CCDC39: variants seen among roughly 807,000 people sequenced by gnomAD.
CCDC39 encodes the protein coiled-coil domain-containing protein 39.
In CCDC39, 113 loss-of-function variants were observed where a neutral mutation model predicts 121.0. The observed-to-expected ratio is 0.93, with a 90% CI of 0.80 to 1.09. The LOEUF (loss-of-function observed/expected upper bound fraction) is 1.09. CCDC39 is among the 50% of genes least tolerant of loss of function. CCDC39 has a pLI of 0.00. For synonymous variants in CCDC39, 349 were observed against 352.2 expected (o/e 0.99, Z 0.10); for missense variants, 1,063 against 1,074.7 (o/e 0.99, Z 0.15).
rs1477817614 is a variant in CCDC39 at position 180,679,284 on chromosome 3, A to T, written c.90+7T>A. The stretch of plus-strand genomic sequence containing the variant: ...TGCTTCCTCCCGCCTGCTTCAATTG[A>T]TCTCACCTGATCTTCCAGTAGCTTG... On this transcript the variant is annotated splice_region_variant and intron_variant, in intron 1 of 19. Transcript: ENST00000476379. This position sits in a 1 kb window ranked among gnomAD's most constrained non-coding sequence, Gnocchi z 4.0. 1 of 1,612,228 alleles carries T rather than the reference A, an allele frequency of 6.2e-7. No individual in the cohort carries two copies. Among genetic ancestry groups the T allele is most frequent in the East Asian group, 2.2e-5 (1 of 44,876 alleles).
At chr3:180,659,942 G>C (rs906098073) in intron 4 of CCDC39, among the ~76,000 whole-genome samples, 173 bp from the exon 5 acceptor site, 5 of 151,882 alleles carry the variant, frequency 3.3e-5, no homozygotes, top group Non-Finnish European at 7.4e-5. Flanking sequence ...CTAATCTAAT[G>C]TGTTTGCATA....
chr3:180,621,198 G>C (rs774799738), intron 14 of CCDC39, among the ~76,000 whole-genome samples: 1 of 152,054 alleles, frequency 6.6e-6, no homozygotes, highest in Non-Finnish European at 1.5e-5. Flanking sequence ...CCACATCTTT[G>C]CTATTGTAAA....
chr3:180,642,851 GA>G (rs942571090), intron 12 of CCDC39, among the ~76,000 whole-genome samples: 2 of 146,026 alleles, frequency 1.4e-5, no homozygotes, highest in South Asian at 2.2e-4. Flanking sequence ...AAATTAAAAA[GA>G]AAAAAAAACT....
chr3:180,624,418 A>G (rs939355191), intron 14 of CCDC39, among the ~76,000 whole-genome samples: 15 of 152,092 alleles, frequency 9.9e-5, no homozygotes, highest in African/African-American at 3.6e-4. Context: ...TCAAACTTAT[A>G]TTGATATGTA....
rs989194150 is a variant in CCDC39, at chr3:180,619,940, C to G, written c.2029G>C (p.Glu677Gln). 9.3e-6 allele frequency: 15 copies of G among 1,608,374 alleles called. No homozygotes were observed. Among genetic ancestry groups the G allele is most frequent in the African/African-American group, 1.3e-5 (1 of 74,638 alleles). Residue 677 changes from glutamate to glutamine, a missense_variant, in exon 15 of 20, where the codon GAA becomes CAA. Coordinates refer to ENST00000476379, the MANE Select transcript of CCDC39 (RefSeq NM_181426.2). ...ATCTTGGCATCCAAACAGTCACCTT[C>G]CCTTTGAAGTTCTTCTTTTTCTTGA... ...AAQEKEELQR[E>Q]GDCLDAKINK...
At chr3:180,660,152 A>G (rs2108429205) in intron 4 of CCDC39, among the ~76,000 whole-genome samples, 1 of 152,244 alleles carries the variant, frequency 6.6e-6, no homozygotes, top group South Asian at 2.1e-4. Flanking sequence ...TGATTTTTAT[A>G]ACATAATCAA....
At chr3:180,632,670 G>T (rs558545640) in intron 13 of CCDC39, among the ~76,000 whole-genome samples, 1 of 152,110 alleles carries the variant, frequency 6.6e-6, no homozygotes, top group African/African-American at 2.4e-5. Context: ...CTGAGAATCA[G>T]AAAGGTACAA....
intron 4 of CCDC39, 92 bp downstream of exon 4, chr3:180,660,478 G>A: frequency 8.8e-7 from 1 of 1,134,916 alleles, no homozygotes. Context: ...AAGAATTGCT[G>A]CCTTAAAAAT....
intron 9 of CCDC39, among the ~76,000 whole-genome samples, chr3:180,651,016 G>A (rs960932873): frequency 1.3e-5 from 2 of 151,776 alleles, no homozygotes; most frequent in African/African-American, 2.4e-5. Flanking sequence ...CCAACATGGC[G>A]AAACCCCATC....
chr3:180,654,126 G>A (rs976030114), intron 7 of CCDC39, among the ~76,000 whole-genome samples: 1 of 140,290 alleles, frequency 7.1e-6, no homozygotes. Context: ...ATGCATATAT[G>A]ATCAACTAAT....
intron 1 of CCDC39, among the ~76,000 whole-genome samples, chr3:180,665,398 AG>A (rs1473085058): frequency 4.6e-5 from 7 of 152,210 alleles, no homozygotes; most frequent in Admixed American, 3.3e-4. Flanking sequence ...CAGTCCCCAA[AG>A]TCAGGGATAT....
At chr3:180,670,549 C>T (rs1450516026) in intron 1 of CCDC39, among the ~76,000 whole-genome samples, 2 of 151,870 alleles carry the variant, frequency 1.3e-5, no homozygotes, top group Non-Finnish European at 2.9e-5. Flanking sequence ...AGTGGAAAAA[C>T]ACACTTTACT....
At chr3:180,620,522 C>T (rs183008953) in intron 14 of CCDC39, among the ~76,000 whole-genome samples, 269 of 152,108 alleles carry the variant, frequency 1.8e-3, no homozygotes, top group African/African-American at 6.2e-3. Flanking sequence ...TGGACATACT[C>T]AGTGACTTTC....
At chr3:180,665,563 C>T (rs963503110) in intron 1 of CCDC39, among the ~76,000 whole-genome samples, 30 of 151,754 alleles carry the variant, frequency 2.0e-4, no homozygotes, top group African/African-American at 6.0e-4. Flanking sequence ...AATTCCCTCT[C>T]GTTTCCTGTT....
At chr3:180,663,325 T>C (rs1464754700) in intron 2 of CCDC39, among the ~76,000 whole-genome samples, 1 of 152,186 alleles carries the variant, frequency 6.6e-6, no homozygotes, top group Non-Finnish European at 1.5e-5. Flanking sequence ...ACCATCATTG[T>C]ACCTTTCTCA....
In CCDC39 at chr3:180,623,876, T is replaced by C. The variant is rs142378834; in HGVS notation, c.1999-3906A>G. 3.3e-3 allele frequency among the ~76,000 whole-genome samples: 505 copies of C among 152,158 alleles called. 3 individuals are homozygous for C. Among genetic ancestry groups the C allele is most frequent in the Admixed American group, 7.3e-3 (111 of 15,270 alleles). On this transcript the variant is annotated intron_variant, in intron 14 of 19. Transcript: ENST00000476379. ...TCTGGCTTGTCTTGGAGATGTTCCA[T>C]GTGCTTATGAAAAGAAGGTATATTA...
intron 13 of CCDC39, among the ~76,000 whole-genome samples, chr3:180,635,968 G>A (rs1362904494): frequency 6.6e-6 from 1 of 152,090 alleles, no homozygotes; most frequent in Non-Finnish European, 1.5e-5. Flanking sequence ...AATAATAAAA[G>A]CCATCTATGA....
At chr3:180,653,359 A>G (rs1711514040) in intron 7 of CCDC39, among the ~76,000 whole-genome samples, 1 of 152,176 alleles carries the variant, frequency 6.6e-6, no homozygotes. Context: ...TATTATTTTA[A>G]TACAACTTAG....
At chr3:180,621,892 G>C (rs1717440337) in intron 14 of CCDC39, among the ~76,000 whole-genome samples, 1 of 151,998 alleles carries the variant, frequency 6.6e-6, no homozygotes, top group Non-Finnish European at 1.5e-5. Context: ...TTTTTGCTTA[G>C]GATTACTTTG....
Sources: allele counts gnomAD v4.1 joint callset (sites outside exome capture counted in the v4.1 genomes callset), GRCh38; gene constraint gnomAD v4.1.1; non-coding constraint Gnocchi (gnomAD v3.1); transcripts MANE v1.5; gene names NCBI Gene and HGNC (gene_info 2026-07-23, HGNC 2026-07-21).